The following ZBTB44 variants were observed in gnomAD, a reference collection of about 807,000 sequenced individuals.
The protein encoded by ZBTB44 is zinc finger and BTB domain-containing protein 44.
A neutral mutation model predicts 54.0 loss-of-function variants in ZBTB44; 15 were observed. The ratio of observed to expected loss-of-function variants is 0.28; its 90% CI spans 0.19 to 0.43. The LOEUF is 0.43. Ranked by LOEUF, ZBTB44 falls within the 20% of genes least tolerant of loss-of-function variation. The pLI, the probability that ZBTB44 is intolerant of heterozygous loss-of-function variation, is 1.00. For synonymous variants in ZBTB44, 230 were observed against 250.1 expected (o/e 0.92, Z 0.76); for missense variants, 487 against 707.1 (o/e 0.69, Z 3.53).
intron 1 of ZBTB44, among the ~76,000 whole-genome samples, chr11:130,263,407 A>G (rs1288637805): frequency 2.0e-5 from 3 of 152,204 alleles, no homozygotes; most frequent in African/African-American, 4.8e-5. Context: ...TTGTTCATTT[A>G]TTGCATCCCA....
chr11:130,231,831 G>A (rs895598322), intron 7 of ZBTB44, 116 bp from the exon 8 acceptor site: 1 of 152,068 alleles, frequency 6.6e-6, no homozygotes, highest in Non-Finnish European at 1.5e-5. Context: ...AGACCACAAC[G>A]TAACATTAAA....
intron 1 of ZBTB44, among the ~76,000 whole-genome samples, chr11:130,298,144 T>C (rs1008214246): frequency 6.7e-6 from 1 of 150,214 alleles, no homozygotes; most frequent in South Asian, 2.1e-4. Flanking sequence ...CAATAATAAT[T>C]GATGATTTTT....
At chr11:130,233,013 A>G in intron 7 of ZBTB44, 1 of 286,474 alleles carries the variant, frequency 3.5e-6, no homozygotes, top group East Asian at 6.5e-5. Context: ...TTTAAAAAAA[A>G]AGAAAAAAAA....
chr11:130,246,579 C>T (rs1297197728), intron 2 of ZBTB44, among the ~76,000 whole-genome samples: 1 of 152,178 alleles, frequency 6.6e-6, no homozygotes, highest in African/African-American at 2.4e-5. Flanking sequence ...ACTCAAGTTG[C>T]TGCTGCCACT....
intron 1 of ZBTB44, among the ~76,000 whole-genome samples, chr11:130,300,083 G>A (rs1419487930): frequency 2.6e-5 from 4 of 152,148 alleles, no homozygotes; most frequent in South Asian, 2.1e-4. Context: ...ATATGATTCC[G>A]ATTACACGAT....
chr11:130,239,727 T>C (rs1954269828), intron 3 of ZBTB44, 85 bp downstream of exon 3: 1 of 1,098,654 alleles, frequency 9.1e-7, no homozygotes, highest in Non-Finnish European at 1.3e-6. Flanking sequence ...GTAATAAACT[T>C]CTACAACTCT....
chr11:130,268,069 CAA>C (rs574966633), intron 1 of ZBTB44, among the ~76,000 whole-genome samples: 35 of 64,870 alleles, frequency 5.4e-4, no homozygotes, highest in Admixed American at 5.5e-4. Flanking sequence ...ACTCTGTCTA[CAA>C]AAAAAAAAAA....
chr11:130,281,303 T>C (rs1439795731), intron 1 of ZBTB44, among the ~76,000 whole-genome samples: 1 of 152,048 alleles, frequency 6.6e-6, no homozygotes, highest in African/African-American at 2.4e-5. Context: ...GAGGATCACT[T>C]GAGCCCAAGA....
rs1385181730 is a variant in ZBTB44, at chr11:130,296,782, A to G, written c.-57+17593T>C. 3.9e-6 allele frequency: 3 copies of G among 775,224 alleles called. No individual in the cohort carries two copies. In the Admixed American group the frequency reaches 5.2e-5, roughly 13 times the overall value. 48.0% of individuals were successfully genotyped at this position (775,224 alleles called of 1,614,324 possible). On this transcript the variant is annotated intron_variant, in intron 1 of 7. Transcript: ENST00000357899. ...AACTACTTTCTTTGTAAGTCAGCCC[A>G]GGAAGCATATAAGTCATACATATGA...
At chr11:130,268,258 G>T (rs567654278) in intron 1 of ZBTB44, among the ~76,000 whole-genome samples, 15 of 151,384 alleles carry the variant, frequency 9.9e-5, no homozygotes, top group African/African-American at 3.4e-4. Context: ...AGTGGGGTAG[G>T]GGAAGAAAGA....
At chr11:130,233,163 T>C (rs1953946209) in intron 7 of ZBTB44, 145 bp downstream of exon 7, 15 of 1,066,658 alleles carry the variant, frequency 1.4e-5, no homozygotes, top group South Asian at 4.8e-5. Context: ...CGCCAATATA[T>C]GCAAGAGAAC....
At chr11:130,290,056 C>G (rs1406734361) in intron 1 of ZBTB44, among the ~76,000 whole-genome samples, 1 of 152,104 alleles carries the variant, frequency 6.6e-6, no homozygotes, top group Non-Finnish European at 1.5e-5. Context: ...GATGAAATAT[C>G]TTGGAATGGG....
At chr11:130,309,646 A>G (rs1942474327) in intron 1 of ZBTB44, among the ~76,000 whole-genome samples, 1 of 151,924 alleles carries the variant, frequency 6.6e-6, no homozygotes, top group South Asian at 2.1e-4. Context: ...GGCCAGGATT[A>G]CACTTCAGGA....
Position 130,296,497 on chromosome 11 carries a change from G to A in ZBTB44, c.-57+17878C>T, listed in dbSNP as rs565519463. On this transcript the variant is annotated intron_variant, in intron 1 of 7. Transcript: ENST00000357899. ...TTGGGAACACATTGTGTACGGATGTGGTGGCAAGAGGACTGGACATTCCTC... is the reference window on the plus strand; with the variant it reads ...TTGGGAACACATTGTGTACGGATGTAGTGGCAAGAGGACTGGACATTCCTC... 10 of 946,354 alleles carry A rather than the reference G, an allele frequency of 1.1e-5. No homozygotes were observed. In the African/African-American group the frequency reaches 1.6e-4, roughly 16 times the overall value. The allele number at this position is 946,354 out of a possible 1,614,324, so 58.6% of individuals were successfully genotyped here.
rs750085307 is a variant in ZBTB44, at chr11:130,230,619, C to T, written c.*1145G>A. On this transcript the variant is annotated 3_prime_UTR_variant, in exon 8 of 8. Transcript: ENST00000357899. ...ATGTAACTAAATGCGTAACTAATTA[C>T]TTGAAATAAAAAGATTACTTGAAAT... The T allele has an allele frequency of 3.3e-5, 5 of 149,942 alleles. No individual in the cohort carries two copies. The highest frequency in any genetic ancestry group is 5.9e-5 in the Non-Finnish European group (4 of 67,488). The allele number at this position is 149,942 out of a possible 1,614,324, so 9.3% of individuals were successfully genotyped here. A position where few individuals can be genotyped will look rare whatever the true frequency, so the allele number is the denominator to read the frequency against.
intron 2 of ZBTB44, among the ~76,000 whole-genome samples, chr11:130,241,874 T>C (rs1954380153): frequency 6.6e-6 from 1 of 152,234 alleles, no homozygotes; most frequent in African/African-American, 2.4e-5. Context: ...GTCTGCCTTC[T>C]CTGCTCTGCA....
intron 2 of ZBTB44, 57 bp from the exon 3 acceptor site, chr11:130,239,953 G>C (rs1407039756): frequency 1.6e-6 from 2 of 1,223,564 alleles, no homozygotes; most frequent in Non-Finnish European, 2.4e-6. Context: ...AGCCAAGATT[G>C]TAACTGAAAG....
At chr11:130,232,320 G>A (rs1953906509) in intron 7 of ZBTB44, 1 of 151,782 alleles carries the variant, frequency 6.6e-6, no homozygotes, top group South Asian at 2.1e-4. Context: ...TTAAACTTTG[G>A]GTATCTACAC....
At position 130,228,768 on chromosome 11, in the gene ZBTB44, T is replaced by A. The variant is rs1953773529; in HGVS notation, c.*2996A>T. On this transcript the variant is annotated 3_prime_UTR_variant, in exon 8 of 8. Coordinates refer to ENST00000357899, the MANE Select transcript of ZBTB44 (RefSeq NM_001301098.2). ...ATTGGCATTTGGGAAAACAAGGGCC[T>A]TTTAATAAAAGTCCTGACACTGGAG... 1 of 152,188 alleles carries A rather than the reference T, an allele frequency of 6.6e-6. No individual in the cohort carries two copies. Among genetic ancestry groups the A allele is most frequent in the Admixed American group, 6.5e-5 (1 of 15,280 alleles). The allele number at this position is 152,188 out of a possible 1,614,324, so 9.4% of individuals were successfully genotyped here.
Sources: gnomAD v4.1 joint callset for allele counts (sites outside exome capture counted in the v4.1 genomes callset) on GRCh38, gnomAD v4.1.1 for gene constraint, MANE v1.5 for transcripts, NCBI Gene and HGNC (gene_info 2026-07-23, HGNC 2026-07-21) for gene names.